The following STK3 variants were observed in gnomAD, a reference collection of about 807,000 sequenced individuals.
STK3 encodes the protein serine/threonine kinase 3.
STK3 carries 41 observed loss-of-function variants against 58.0 expected under a neutral mutation model. That is an observed-to-expected ratio of 0.71 (90% CI 0.55 to 0.92). STK3 has a LOEUF of 0.92. Among genes scored for constraint, STK3 ranks in the 40% least tolerant of loss-of-function variants. The pLI is 0.00. For synonymous variants in STK3, 170 were observed against 191.0 expected, an observed-to-expected ratio of 0.89 and a Z score of 0.91; for missense variants, 479 against 602.7, an observed-to-expected ratio of 0.79 and a Z score of 2.15.
intron 6 of STK3, among the ~76,000 whole-genome samples, chr8:98,620,029 C>A (rs1280523035): frequency 9.9e-6 from 1 of 101,352 alleles, no homozygotes; most frequent in East Asian, 2.8e-4. Flanking sequence ...ATGTTTATTG[C>A]GGCATTATTC....
intron 4 of STK3, among the ~76,000 whole-genome samples, chr8:98,728,458 T>C (rs1386006285): frequency 6.6e-6 from 1 of 152,130 alleles, no homozygotes; most frequent in Non-Finnish European, 1.5e-5. Flanking sequence ...GCCCCACAAC[T>C]AGTGATTCAA....
intron 2 of STK3, chr8:98,434,403 C>T (rs1818412183): frequency 6.6e-6 from 1 of 152,204 alleles, no homozygotes; most frequent in South Asian, 2.1e-4. Context: ...AAACACCTCC[C>T]CTTGAGGGAA....
At chr8:98,597,033 T>C (rs1291851163) in intron 6 of STK3, among the ~76,000 whole-genome samples, 1 of 152,144 alleles carries the variant, frequency 6.6e-6, no homozygotes, top group African/African-American at 2.4e-5. Flanking sequence ...AAGCATGAGA[T>C]ACTTCAAAGG....
chr8:98,864,113 G>A (rs555952156), intron 3 of STK3, among the ~76,000 whole-genome samples: 1 of 149,626 alleles, frequency 6.7e-6, no homozygotes, highest in African/African-American at 2.5e-5. Flanking sequence ...GCAGGAGAAT[G>A]GCATGAATCG....
intron 3 of STK3, among the ~76,000 whole-genome samples, chr8:98,832,278 C>CTG (rs1554687720): frequency 2.4e-4 from 35 of 148,458 alleles, no homozygotes; most frequent in African/African-American, 8.6e-4. Context: ...ATATAGATAT[C>CTG]TATATATATA....
At chr8:98,417,875 G>A (rs1406862763) in intron 3 of STK3, among the ~76,000 whole-genome samples, 3 of 152,066 alleles carry the variant, frequency 2.0e-5, no homozygotes, top group Non-Finnish European at 4.4e-5. Flanking sequence ...AGAACGCCTC[G>A]CTGTTCAAGT....
intron 3 of STK3, among the ~76,000 whole-genome samples, chr8:98,848,821 C>T (rs190141980): frequency 9.2e-5 from 14 of 152,222 alleles, no homozygotes; most frequent in East Asian, 1.9e-4. Flanking sequence ...CATGTACAAG[C>T]TTTGATGTGG....
At chr8:98,866,937 G>A (rs1374921243) in intron 3 of STK3, among the ~76,000 whole-genome samples, 1 of 152,118 alleles carries the variant, frequency 6.6e-6, no homozygotes, top group South Asian at 2.1e-4. Context: ...TTCAGCTGAA[G>A]GCAACTTCTG....
chr8:98,574,379 A>C (rs1390940165), intron 8 of STK3, among the ~76,000 whole-genome samples: 1 of 152,192 alleles, frequency 6.6e-6, no homozygotes, highest in Non-Finnish European at 1.5e-5. Context: ...CAAACCTCAA[A>C]TCCAGGCAAT....
intron 2 of STK3, among the ~76,000 whole-genome samples, chr8:98,434,867 A>C (rs1453456452): frequency 6.6e-6 from 1 of 152,258 alleles, no homozygotes; most frequent in East Asian, 1.9e-4. Context: ...GAGAAGAAAG[A>C]AGGGAAAAGA....
chr8:98,773,176 T>C (rs1029506334), intron 2 of STK3, among the ~76,000 whole-genome samples: 4 of 152,136 alleles, frequency 2.6e-5, no homozygotes, highest in Non-Finnish European at 5.9e-5. Context: ...CTCTATGTCC[T>C]TTCTCTTTTT....
chr8:98,643,550 C>T (rs574607512), intron 6 of STK3, among the ~76,000 whole-genome samples: 7 of 152,298 alleles, frequency 4.6e-5, no homozygotes, highest in African/African-American at 1.7e-4. Context: ...CCTTCATACT[C>T]CCTAATCACC....
intron 1 of STK3, among the ~76,000 whole-genome samples, chr8:98,901,550 C>T (rs990379150): frequency 2.6e-5 from 4 of 152,264 alleles, no homozygotes; most frequent in African/African-American, 9.6e-5. Context: ...TTTCTTGCAA[C>T]TCTTGCAACT....
At chr8:98,893,520 GAA>G (rs1393640296) in intron 1 of STK3, among the ~76,000 whole-genome samples, 2 of 132,288 alleles carry the variant, frequency 1.5e-5, no homozygotes, top group Non-Finnish European at 3.2e-5. Context: ...AAGAAAGAAA[GAA>G]AGAAAGAAAG....
chr8:98,368,403 A>G (rs1817583517), downstream of STK3, among the ~76,000 whole-genome samples: 1 of 152,198 alleles, frequency 6.6e-6, no homozygotes, highest in Non-Finnish European at 1.5e-5. Context: ...AAGAAGAATG[A>G]GACATCCAAC....
chr8:98,820,128 A>T (rs1834793325), intron 1 of STK3, among the ~76,000 whole-genome samples: 1 of 152,120 alleles, frequency 6.6e-6, no homozygotes. Context: ...CCATCCAAAC[A>T]CTCATTTGCC....
At chr8:98,666,553 T>C (rs1184586642) in intron 6 of STK3, among the ~76,000 whole-genome samples, 1 of 152,176 alleles carries the variant, frequency 6.6e-6, no homozygotes, top group Non-Finnish European at 1.5e-5. Context: ...AAAACAAAGA[T>C]TTGCTGGTCT....
At chr8:98,554,329 T>C (rs573932753) in intron 8 of STK3, among the ~76,000 whole-genome samples, 1 of 152,290 alleles carries the variant, frequency 6.6e-6, no homozygotes, top group Non-Finnish European at 1.5e-5. Flanking sequence ...AACTCTATTT[T>C]AACACGTGTG....
At chr8:98,503,300 T>G (rs1369329321) in intron 10 of STK3, among the ~76,000 whole-genome samples, 1 of 152,172 alleles carries the variant, frequency 6.6e-6, no homozygotes. Context: ...TTCTTTTTCT[T>G]CTTTACTAGT....
Sources: gnomAD v4.1 joint callset for allele counts (sites outside exome capture counted in the v4.1 genomes callset) on GRCh38, gnomAD v4.1.1 for gene constraint, MANE v1.5 for transcripts, NCBI Gene and HGNC (gene_info 2026-07-23, HGNC 2026-07-21) for gene names.